Variants in ACACB observed in about 807,000 individuals in gnomAD.
ACACB encodes the protein acetyl-CoA carboxylase beta.
Under a neutral mutation model 278.8 loss-of-function variants are expected in ACACB, and 209 were observed. The ratio of observed to expected loss-of-function variants is 0.75; its 90% CI spans 0.67 to 0.84. The LOEUF is 0.84. Ranked by LOEUF, ACACB falls within the 40% of genes least tolerant of loss-of-function variation. The probability of loss-of-function intolerance (pLI) is 0.00; values close to 1 mark genes in which losing one functional copy is unlikely to be tolerated. For missense variants in ACACB, 2,850 were observed against 3,269.0 expected, an observed-to-expected ratio of 0.87 and a Z score of 3.13; for synonymous variants, 1,174 against 1,285.6, an observed-to-expected ratio of 0.91 and a Z score of 1.86.
chr12:109,208,370 C>T (rs1389633362), intron 20 of ACACB, among the ~76,000 whole-genome samples: 1 of 151,928 alleles, frequency 6.6e-6, no homozygotes, highest in Non-Finnish European at 1.5e-5. Context: ...TGCCTGCCAC[C>T]ACACCCAGCT....
Position 109,185,717 on chromosome 12 carries a change from A to G in ACACB, c.1957A>G (p.Ile653Val). 1 of 1,611,410 alleles carries G rather than the reference A, an allele frequency of 6.2e-7. No individual in the cohort carries two copies. Among genetic ancestry groups the G allele is most frequent in the African/African-American group, 1.3e-5 (1 of 74,900 alleles). The change falls in exon 12 of 53, where the codon ATC (isoleucine) becomes GTC (valine). Residue 653 changes from isoleucine (I) to valine (V), a missense_variant. Ile to Val is a conservative substitution (Grantham distance 29). Coordinates refer to ENST00000338432, the MANE Select transcript of ACACB (RefSeq NM_001093.4). ...LARGHVIAAR[I>V]TSENPDEGFK... ...CCGAGGCCACGTCATTGCCGCCAGAATCACCAGCGAAAACCCAGACGAGGC... is the reference window on the plus strand; with the variant it reads ...CCGAGGCCACGTCATTGCCGCCAGAGTCACCAGCGAAAACCCAGACGAGGC...
chr12:109,112,480 A>G (rs2042323945), upstream of ACACB, among the ~76,000 whole-genome samples: 1 of 151,834 alleles, frequency 6.6e-6, no homozygotes, highest in African/African-American at 2.4e-5. Context: ...AGGTGGGTGG[A>G]TCACCTGAGG....
At chr12:109,173,515 T>C (rs930907676) in intron 6 of ACACB, among the ~76,000 whole-genome samples, 49 of 152,350 alleles carry the variant, frequency 3.2e-4, no homozygotes, top group African/African-American at 1.0e-3. Context: ...GCATCTGTCC[T>C]GTCTGACAGT....
Position 109,191,908 on chromosome 12 carries a change from T to C in ACACB, c.2357T>C (p.Met786Thr). ...VCGALNVADAMFRTCMTDFLH... is the reference protein window; with the variant it reads ...VCGALNVADATFRTCMTDFLH... ...GGGGCCTTGAACGTGGCCGATGCGA[T>C]GTTCAGAACGTGCATGACAGATTTC... Residue 786 changes from methionine to threonine, a missense_variant, in exon 15 of 53, where the codon ATG becomes ACG. Coordinates refer to ENST00000338432, the MANE Select transcript of ACACB (RefSeq NM_001093.4). 3 of 1,614,188 alleles carry C rather than the reference T, an allele frequency of 1.9e-6. No homozygotes were observed. The highest frequency in any genetic ancestry group is 8.5e-7 in the Non-Finnish European group (1 of 1,180,040).
chr12:109,240,266 C>T lies in ACACB; in HGVS notation c.4818+281C>T, dbSNP rs574526009. ...TTGTCCTTTCCCTGGTTCCAGGCTG[C>T]GCTGGGGACTGCATGTGGGTGGGGA... On this transcript the variant is annotated intron_variant, in intron 35 of 52. Coordinates refer to ENST00000338432, the MANE Select transcript of ACACB (RefSeq NM_001093.4). 1.6e-3 allele frequency among the ~76,000 whole-genome samples: 242 copies of T among 152,282 alleles called. 2 individuals carry two copies. The highest frequency in any genetic ancestry group is 2.8e-3 in the Non-Finnish European group (188 of 68,024).
chr12:109,242,531 G>T lies in ACACB; in HGVS notation c.5117G>T (p.Arg1706Leu). 6.2e-7 allele frequency: 1 copy of T among 1,614,160 alleles called. No individual in the cohort carries two copies. The highest frequency in any genetic ancestry group is 8.5e-7 in the Non-Finnish European group (1 of 1,180,026). Residue 1706 changes from arginine to leucine, a missense_variant, in exon 37 of 53, where the codon CGA becomes CTA. Arg to Leu is a moderately radical substitution (Grantham distance 102). Around this residue, in one of 3 missense-constraint regions of ACACB, gnomAD observed 2,265 missense variants for 2,561.3 expected, o/e 0.88. Transcript: ENST00000338432. ...YVTKDLLQAK[R>L]FQAQTLGTTY... ...ACCAAGGATCTGCTCCAGGCCAAGCGATTCCAGGCCCAGACCCTGGGAACC... is the reference window on the plus strand; with the variant it reads ...ACCAAGGATCTGCTCCAGGCCAAGCTATTCCAGGCCCAGACCCTGGGAACC...
intron 2 of ACACB, among the ~76,000 whole-genome samples, chr12:109,161,417 C>T (rs1012118964): frequency 1.3e-5 from 2 of 152,042 alleles, no homozygotes; most frequent in African/African-American, 4.8e-5. Context: ...GTGGCGGGCA[C>T]CTGTAACCCT....
At chr12:109,246,924 A>T (rs1265434399) in intron 39 of ACACB, among the ~76,000 whole-genome samples, 2 of 152,084 alleles carry the variant, frequency 1.3e-5, no homozygotes, top group Non-Finnish European at 2.9e-5. Context: ...TAATGAAAAA[A>T]CTAGGTGAGC....
rs140724209 is a variant in ACACB, at chr12:109,247,032, T to A, written c.5572-574T>A. ...AGTTCAAGGCTGCAGTGAGCCATGATCATCATACCACTGCACTCCAGACTG... is the reference window on the plus strand; with the variant it reads ...AGTTCAAGGCTGCAGTGAGCCATGAACATCATACCACTGCACTCCAGACTG... On this transcript the variant is annotated intron_variant, in intron 39 of 52. Transcript: ENST00000338432. 1.1e-3 allele frequency among the ~76,000 whole-genome samples: 174 copies of A among 152,042 alleles called. 1 individual carries two copies. The highest frequency in any genetic ancestry group is 4.0e-3 in the African/African-American group (166 of 41,478).
In ACACB at chr12:109,197,045, T is replaced by A. The variant is rs1490950801; in HGVS notation, c.2519T>A (p.Met840Lys). Reference sequence around the variant, plus strand: ...TCTCTGACCATGTTCGTTCTCATCATGAATGGCTGCCACATCGAGATTGAT... The same window carrying A: ...TCTCTGACCATGTTCGTTCTCATCAAGAATGGCTGCCACATCGAGATTGAT... ...RQSLTMFVLIMNGCHIEIDAH... is the reference protein window; with the variant it reads ...RQSLTMFVLIKNGCHIEIDAH... The change falls in exon 17 of 53, where the codon ATG (methionine) becomes AAG (lysine). Residue 840 changes from methionine (M) to lysine (K), a missense_variant. Transcript: ENST00000338432. The A allele has an allele frequency of 6.3e-7, 1 of 1,590,504 alleles. No individual in the cohort carries two copies. Among genetic ancestry groups the A allele is most frequent in the Non-Finnish European group, 8.5e-7 (1 of 1,170,786 alleles).
At chr12:109,178,490 T>G (rs568911092) in intron 9 of ACACB, among the ~76,000 whole-genome samples, 1 of 152,264 alleles carries the variant, frequency 6.6e-6, no homozygotes, top group African/African-American at 2.4e-5. Flanking sequence ...AGAAAGCCAG[T>G]TTGGACACCA....
chr12:109,216,748 C>T (rs376051711), intron 23 of ACACB, 42 bp downstream of exon 23: 18 of 1,613,902 alleles, frequency 1.1e-5, no homozygotes, highest in South Asian at 5.5e-5. Flanking sequence ...TGGTGGGGGG[C>T]GTGAGGAGCC....
At position 109,245,758 on chromosome 12, in the gene ACACB, C is replaced by T. The variant is rs766868261; in HGVS notation, c.5301+10C>T. 6.2e-6 allele frequency: 10 copies of T among 1,613,022 alleles called. No homozygotes were observed. Among genetic ancestry groups the T allele is most frequent in the Non-Finnish European group, 8.5e-6 (10 of 1,179,710 alleles). On this transcript the variant is annotated intron_variant, in intron 38 of 52. Transcript: ENST00000338432. ...TCCTGGTGGAAATGAGGTAATAGCT[C>T]AGCGGAGCCTAACCCCTGGCTGGAG...
In ACACB at chr12:109,191,736, G is replaced by A; in HGVS notation, c.2268G>A (p.Leu756=). 6.2e-7 allele frequency: 1 copy of A among 1,614,176 alleles called. No homozygotes were observed. The highest frequency in any genetic ancestry group is 8.5e-7 in the Non-Finnish European group (1 of 1,180,038). Residue 756 remains leucine (L), a synonymous_variant, in exon 14 of 53, where the codon TTG becomes TTA. Transcript: ENST00000338432. ...ACAACGACATCGACACCGGGTGGTT[G>A]GACTACCTCATTGCTGAGAAAGTGC... ...FQNNDIDTGW[L]DYLIAEKVQA... is the part of the protein sequence containing the mutation.
intron 1 of ACACB, among the ~76,000 whole-genome samples, chr12:109,134,719 C>G (rs2042927294): frequency 6.6e-6 from 1 of 152,130 alleles, no homozygotes; most frequent in Admixed American, 6.5e-5. Flanking sequence ...GGAGTTGAGA[C>G]CAGAGATTCA....
At chr12:109,167,617 A>ATG (rs1167763726) in intron 3 of ACACB, among the ~76,000 whole-genome samples, 1,408 of 103,852 alleles carry the variant, frequency 0.014, 23 homozygotes, top group Non-Finnish European at 0.018. Flanking sequence ...AAATATATGT[A>ATG]TGTGTATATA....
intron 16 of ACACB, among the ~76,000 whole-genome samples, chr12:109,195,964 T>G (rs2045112561): frequency 1.3e-5 from 2 of 152,204 alleles, no homozygotes; most frequent in Non-Finnish European, 2.9e-5. Context: ...AGATCTAAAG[T>G]GTTCCATTGC....
chr12:109,131,935 T>A (rs1389250434), intron 1 of ACACB, among the ~76,000 whole-genome samples: 1 of 152,154 alleles, frequency 6.6e-6, no homozygotes, highest in Non-Finnish European at 1.5e-5. Context: ...TTAGTTTGCA[T>A]GTCGATCTGC....
At chr12:109,159,478 G>A (rs546176550) in intron 2 of ACACB, among the ~76,000 whole-genome samples, 62 of 152,280 alleles carry the variant, frequency 4.1e-4, no homozygotes, top group Middle Eastern at 3.4e-3. Flanking sequence ...TAGGTCCAGG[G>A]ATAAACTGTT....
Sources: gnomAD v4.1 joint callset for allele counts (sites outside exome capture counted in the v4.1 genomes callset) on GRCh38, gnomAD v4.1.1 for gene constraint, gnomAD v4.1.1 regional missense constraint, MANE v1.5 for transcripts, NCBI Gene and HGNC (gene_info 2026-07-23, HGNC 2026-07-21) for gene names.